SEPTIN3: variants seen among roughly 807,000 people sequenced by gnomAD.
The protein encoded by SEPTIN3 is neuronal-specific septin-3.
Under a neutral mutation model 45.1 loss-of-function variants are expected in SEPTIN3, and 15 were observed. That is an observed-to-expected ratio of 0.33 (90% CI 0.22 to 0.51). SEPTIN3 has a LOEUF of 0.51. Ranked by LOEUF, SEPTIN3 falls within the 20% of genes least tolerant of loss-of-function variation. The probability of loss-of-function intolerance (pLI) is 0.97; values close to 1 mark genes in which losing one functional copy is unlikely to be tolerated. For missense variants in SEPTIN3, 289 were observed against 457.2 expected, an observed-to-expected ratio of 0.63 and a Z score of 3.35; for synonymous variants, 148 against 164.8, an observed-to-expected ratio of 0.90 and a Z score of 0.78.
At chr22:41,974,875 A>G (rs2078000954) in intron 2 of SEPTIN3, among the ~76,000 whole-genome samples, 2 of 149,450 alleles carry the variant, frequency 1.3e-5, no homozygotes, top group Admixed American at 6.6e-5. Flanking sequence ...AAAAAAAAAA[A>G]AAAAAAAAAA....
At chr22:41,974,539 T>C (rs908647978) in intron 2 of SEPTIN3, among the ~76,000 whole-genome samples, 4 of 151,552 alleles carry the variant, frequency 2.6e-5, no homozygotes, top group Non-Finnish European at 5.9e-5. Flanking sequence ...GGTGGGTGCC[T>C]GTAGTCCCAG....
intron 3 of SEPTIN3, among the ~76,000 whole-genome samples, chr22:41,983,034 G>A (rs886305401): frequency 3.3e-5 from 5 of 152,148 alleles, no homozygotes; most frequent in Admixed American, 3.3e-4. Context: ...ATCCAGTCCT[G>A]TCCATTTTAC....
intron 2 of SEPTIN3, among the ~76,000 whole-genome samples, chr22:41,978,747 G>A (rs1407449208): frequency 6.6e-6 from 1 of 152,170 alleles, no homozygotes; most frequent in Non-Finnish European, 1.5e-5. Context: ...CCATTTGACA[G>A]CATATGAAAT....
rs60786057 is a variant in SEPTIN3, at chr22:41,990,410, G to C, written c.2163+726G>C. Among the ~76,000 whole-genome samples the C allele has an allele frequency of 2.0e-4, 30 of 151,934 alleles. No homozygotes were observed. The East Asian group carries it at 5.5e-3, about 28-fold the overall frequency. ...TGCTGGATGTACAGGGTTGGGGAGG[G>C]GCGATTTGAGAGAAATGAAAAGACA... On this transcript the variant is annotated intron_variant, in intron 7 of 11. Coordinates refer to ENST00000644076, the MANE Select transcript of SEPTIN3 (RefSeq NM_001363845.2).
At position 41,972,130 on chromosome 22, in the gene SEPTIN3, G is replaced by A; in HGVS notation, c.638G>A (p.Gly213Asp). Residue 213 changes from glycine to aspartate, a missense_variant, in exon 2 of 12, where the codon GGC becomes GAC. Around this residue, in one of 3 missense-constraint regions of SEPTIN3, gnomAD observed 200 missense variants for 315.1 expected, o/e 0.63. Coordinates refer to ENST00000644076, the MANE Select transcript of SEPTIN3 (RefSeq NM_001363845.2). ...GTCCTTGCAGAGCCAGGCTCGTTGG[G>A]CCAGGGGCACCTTGTCTCAGTGACT... ...APVLAEPGSL[G>D]QGHLVSVTDH... 2.5e-6 allele frequency: 1 copy of A among 399,126 alleles called. No homozygotes were observed. Among genetic ancestry groups the A allele is most frequent in the Admixed American group, 4.4e-5 (1 of 22,728 alleles). The allele number at this position is 399,126 out of a possible 1,614,324, so 24.7% of individuals were successfully genotyped here. A position where few individuals can be genotyped will look rare whatever the true frequency, so the allele number is the denominator to read the frequency against.
chr22:41,990,217 T>C (rs1041202169), intron 7 of SEPTIN3, among the ~76,000 whole-genome samples: 2 of 151,744 alleles, frequency 1.3e-5, no homozygotes, highest in Non-Finnish European at 2.9e-5. Flanking sequence ...ATTTTGTTTT[T>C]CTCTTTTTAG....
intron 3 of SEPTIN3, among the ~76,000 whole-genome samples, chr22:41,982,982 G>A (rs1413747606): frequency 2.0e-5 from 3 of 151,934 alleles, no homozygotes; most frequent in Non-Finnish European, 2.9e-5. Flanking sequence ...GGAATCTGGC[G>A]TCATCCTTCT....
In SEPTIN3 at chr22:41,989,615, G is replaced by A; in HGVS notation, c.2094G>A (p.Val698=). The A allele has an allele frequency of 6.2e-7, 1 of 1,614,132 alleles. No homozygotes were observed. The highest frequency in any genetic ancestry group is 8.5e-7 in the Non-Finnish European group (1 of 1,179,998). The part of the protein sequence containing the change: ...LEFMKHLSKV[V]NIIPVIAKAD... ...TCATGAAACACCTCAGCAAGGTTGT[G>A]AACATCATCCCTGTCATTGCTAAGG... is the stretch of plus-strand genomic sequence containing the variant. Residue 698 remains valine (V), a synonymous_variant, in exon 7 of 12, where the codon GTG becomes GTA. Coordinates refer to ENST00000644076, the MANE Select transcript of SEPTIN3 (RefSeq NM_001363845.2).
At chr22:41,979,573 A>C (rs554111653) in intron 2 of SEPTIN3, among the ~76,000 whole-genome samples, 1 of 152,204 alleles carries the variant, frequency 6.6e-6, no homozygotes, top group South Asian at 2.1e-4. Flanking sequence ...GTGGAGGAGC[A>C]GGGCCAGGCT....
chr22:41,986,042 C>T lies in SEPTIN3; in HGVS notation c.1755C>T (p.Ser585=), dbSNP rs773532363. The T allele has an allele frequency of 9.9e-6, 16 of 1,613,842 alleles. No individual in the cohort carries two copies. Among genetic ancestry groups the T allele is most frequent in the Admixed American group, 3.3e-5 (2 of 60,008 alleles). The change falls in exon 4 of 12, where the codon AGC becomes AGT. Residue 585 remains serine, a synonymous_variant. Transcript: ENST00000644076. Reference sequence around the variant, plus strand: ...ACACGCTCTTCAAATCCCAAGTGAGCCGCAAGGCCTCCAGCTGGAACCGGG... The same window carrying T: ...ACACGCTCTTCAAATCCCAAGTGAGTCGCAAGGCCTCCAGCTGGAACCGGG... ...LVNTLFKSQV[S]RKASSWNREE...
At position 41,984,300 on chromosome 22, in the gene SEPTIN3, C is replaced by A. The variant is rs1423891622; in HGVS notation, c.1697-1684C>A. On this transcript the variant is annotated intron_variant, in intron 3 of 11. Transcript: ENST00000644076. ...TAGGCCCTTGTCCCCCAGCATGGTT[C>A]TTTTTCTAATATAATCACAAGAATT... Among the ~76,000 whole-genome samples the A allele has an allele frequency of 3.3e-5, 5 of 152,148 alleles. No homozygotes were observed. In the South Asian group the frequency reaches 1.0e-3, roughly 31 times the overall value.
chr22:41,978,710 C>T (rs1359378937), intron 2 of SEPTIN3, among the ~76,000 whole-genome samples: 1 of 152,210 alleles, frequency 6.6e-6, no homozygotes, highest in African/African-American at 2.4e-5. Flanking sequence ...CTTGGAATTT[C>T]GCCTAGGGCT....
At chr22:41,978,546 C>T (rs2078066764) in intron 2 of SEPTIN3, among the ~76,000 whole-genome samples, 1 of 152,080 alleles carries the variant, frequency 6.6e-6, no homozygotes. Context: ...ATGGTGGGAC[C>T]AGGGGAGTTG....
intron 8 of SEPTIN3, 135 bp from the exon 9 acceptor site, chr22:41,992,528 CA>C (rs1890714089): frequency 1.7e-6 from 1 of 597,352 alleles, no homozygotes; most frequent in Admixed American, 3.2e-5. Context: ...CCCTTGCCAT[CA>C]GTAGTATCTC....
intron 2 of SEPTIN3, among the ~76,000 whole-genome samples, chr22:41,979,629 C>T (rs572030629): frequency 2.9e-4 from 44 of 152,304 alleles, no homozygotes; most frequent in African/African-American, 9.9e-4. Flanking sequence ...TGCTGCCATG[C>T]GGAGCTGCCT....
intron 3 of SEPTIN3, 95 bp from the exon 4 acceptor site, chr22:41,985,889 A>G (rs1157500229): frequency 2.8e-6 from 4 of 1,440,986 alleles, no homozygotes; most frequent in Non-Finnish European, 3.7e-6. Flanking sequence ...TGTGGCCTGG[A>G]TCATGGCTCT....
chr22:41,982,440 G>A (rs1187057443), intron 3 of SEPTIN3, among the ~76,000 whole-genome samples: 1 of 152,200 alleles, frequency 6.6e-6, no homozygotes, highest in Admixed American at 6.5e-5. Flanking sequence ...CCCGGGAGGT[G>A]GAGGTTGCAG....
At chr22:41,993,135 G>A (rs886975315) in intron 9 of SEPTIN3, among the ~76,000 whole-genome samples, 2 of 152,336 alleles carry the variant, frequency 1.3e-5, no homozygotes, top group East Asian at 1.9e-4. Context: ...GTGACCCTGG[G>A]CGGGTCTTGA....
intron 9 of SEPTIN3, among the ~76,000 whole-genome samples, chr22:41,993,083 G>A (rs955934753): frequency 6.6e-6 from 1 of 152,202 alleles, no homozygotes; most frequent in Non-Finnish European, 1.5e-5. Context: ...ACTGCCGGAG[G>A]GTTGTTCAGG....
Sources: gnomAD v4.1 joint callset for allele counts (sites outside exome capture counted in the v4.1 genomes callset) on GRCh38, gnomAD v4.1.1 for gene constraint, gnomAD v4.1.1 regional missense constraint, MANE v1.5 for transcripts, NCBI Gene and HGNC (gene_info 2026-07-23, HGNC 2026-07-21) for gene names.